KLF7: variants seen among roughly 807,000 people sequenced by gnomAD.
KLF7 encodes Krueppel-like factor 7.
In KLF7, 2 loss-of-function variants were observed where a neutral mutation model predicts 27.3. The ratio of observed to expected loss-of-function variants is 0.07; its 90% CI spans 0.03 to 0.23. KLF7 has a LOEUF of 0.23. Ranked by LOEUF, KLF7 falls within the 10% of genes least tolerant of loss-of-function variation. The probability of loss-of-function intolerance (pLI) is 1.00; values close to 1 mark genes in which losing one functional copy is unlikely to be tolerated. For synonymous variants in KLF7, 165 were observed against 162.4 expected, an observed-to-expected ratio of 1.02 and a Z score of -0.12; for missense variants, 221 against 394.1, an observed-to-expected ratio of 0.56 and a Z score of 3.72.
chr2:207,166,146 A>C, upstream of KLF7: 1 of 983,886 alleles, frequency 1.0e-6, no homozygotes. Flanking sequence ...TTCTCCGCGC[A>C]GCCGTGGGAT....
chr2:207,134,614 T>C (rs1032257411), intron 1 of KLF7, among the ~76,000 whole-genome samples: 2 of 152,194 alleles, frequency 1.3e-5, no homozygotes, highest in Admixed American at 1.3e-4. Context: ...TTGAGATACT[T>C]GGACTTGATT....
chr2:207,102,893 G>GT (rs1478323679), intron 2 of KLF7, among the ~76,000 whole-genome samples: 1 of 152,040 alleles, frequency 6.6e-6, no homozygotes, highest in African/African-American at 2.4e-5. Flanking sequence ...CTGATGAGAC[G>GT]TAAGTGGCAG....
chr2:207,150,178 G>T (rs2078203301), intron 1 of KLF7, among the ~76,000 whole-genome samples: 1 of 152,042 alleles, frequency 6.6e-6, no homozygotes, highest in Non-Finnish European at 1.5e-5. Context: ...CAATTGTTAA[G>T]AATGTATTTT....
chr2:207,079,065 G>GTTTTTTTT lies in KLF7; in HGVS notation c.*2140_*2147dup, dbSNP rs60899468. On this transcript the variant is annotated 3_prime_UTR_variant, in exon 4 of 4. Coordinates refer to ENST00000309446, the MANE Select transcript of KLF7 (RefSeq NM_003709.4). The stretch of plus-strand genomic sequence containing the variant: ...TTTTTTTTTCGTTTTGTATTATTTT[G>GTTTTTTTT]TTTTTTTTTTTGTTTTTGTTTTTGT... 1 of 143,316 alleles carries GTTTTTTTT rather than the reference G, an allele frequency of 7.0e-6. No homozygotes were observed. The highest frequency in any genetic ancestry group is 2.6e-5 in the African/African-American group (1 of 38,672). 8.9% of individuals were successfully genotyped at this position (143,316 alleles called of 1,614,324 possible).
In KLF7 at chr2:207,133,831, C is replaced by T. The variant is rs1317148289; in HGVS notation, c.103-9427G>A. On this transcript the variant is annotated intron_variant, in intron 1 of 3. Transcript: ENST00000309446. The stretch of plus-strand genomic sequence containing the variant: ...CAACAAAACAAAAATTTTAAACTCA[C>T]CAATCTCATTCCTCCCCCCAGTGGA... Among the ~76,000 whole-genome samples the T allele has an allele frequency of 3.3e-5, 5 of 152,138 alleles. No individual in the cohort carries two copies. The East Asian group carries it at 9.6e-4, about 29-fold the overall frequency.
chr2:207,123,985 G>A lies in KLF7; in HGVS notation c.522C>T (p.Ser174=). The change falls in exon 2 of 4, where the codon AGC becomes AGT. Residue 174 remains serine, a synonymous_variant. Coordinates refer to ENST00000309446, the MANE Select transcript of KLF7 (RefSeq NM_003709.4). The part of the protein sequence containing the change: ...LKLVAKKAAL[S]SVKVGGVATA... The stretch of plus-strand genomic sequence containing the variant: ...TTGCGACCCCTCCCACCTTTACGGA[G>A]CTGAGAGCAGCCTTCTTGGCCACCA... 1 of 1,614,198 alleles carries A rather than the reference G, an allele frequency of 6.2e-7. No individual in the cohort carries two copies. The highest frequency in any genetic ancestry group is 1.1e-5 in the South Asian group (1 of 91,086).
At chr2:207,087,711 T>G (rs529436406) in intron 3 of KLF7, among the ~76,000 whole-genome samples, 1 of 152,320 alleles carries the variant, frequency 6.6e-6, no homozygotes, top group African/African-American at 2.4e-5. Context: ...ATTATTTGAT[T>G]ATGTCTAAAC....
intron 1 of KLF7, among the ~76,000 whole-genome samples, chr2:207,161,654 G>C (rs1428182735): frequency 6.6e-6 from 1 of 152,170 alleles, no homozygotes; most frequent in Non-Finnish European, 1.5e-5. Context: ...GGCTGTTCTT[G>C]GAATGCAACC....
chr2:207,101,659 T>G (rs1049429348), intron 2 of KLF7, among the ~76,000 whole-genome samples: 1 of 152,256 alleles, frequency 6.6e-6, no homozygotes, highest in East Asian at 1.9e-4. Flanking sequence ...CTGACTCCCT[T>G]GAGGCCAGAC....
intron 1 of KLF7, among the ~76,000 whole-genome samples, chr2:207,161,352 C>CA (rs567028048): frequency 6.0e-4 from 90 of 149,990 alleles, no homozygotes; most frequent in South Asian, 4.9e-3. Context: ...AATCACATAC[C>CA]AAAAAAAAAC....
In KLF7 at chr2:207,123,748, C is replaced by T. The variant is rs528410063; in HGVS notation, c.733+26G>A. On this transcript the variant is annotated intron_variant, in intron 2 of 3. Coordinates refer to ENST00000309446, the MANE Select transcript of KLF7 (RefSeq NM_003709.4). Reference sequence around the variant, plus strand: ...GGCTACAGGAGGGGAAAGAAGAAACCACGTGCGGCCAACTTGTACCACTAC... The same window carrying T: ...GGCTACAGGAGGGGAAAGAAGAAACTACGTGCGGCCAACTTGTACCACTAC... 4 of 1,590,556 alleles carry T rather than the reference C, an allele frequency of 2.5e-6. No individual in the cohort carries two copies. In the Admixed American group the frequency reaches 6.9e-5, roughly 27 times the overall value.
chr2:207,167,215 G>C, upstream of KLF7: 1 of 1,291,504 alleles, frequency 7.7e-7, no homozygotes, highest in Non-Finnish European at 1.0e-6. Flanking sequence ...TTCTGGAGTT[G>C]GGATGTAGAC....
rs1322395577 is a variant in KLF7 at position 207,079,705 on chromosome 2, T to A, written c.*1508A>T. ...GCTTGCAGAGTAAATGTGAGGCCTC[T>A]GTTAATCCTGGGGGTTCTAGGTCAC... is the stretch of plus-strand genomic sequence containing the variant. On this transcript the variant is annotated 3_prime_UTR_variant, in exon 4 of 4. Coordinates refer to ENST00000309446, the MANE Select transcript of KLF7 (RefSeq NM_003709.4). The A allele has an allele frequency of 6.6e-6, 1 of 151,626 alleles. No individual in the cohort carries two copies. Among genetic ancestry groups the A allele is most frequent in the African/African-American group, 2.4e-5 (1 of 41,202 alleles). The allele number at this position is 151,626 out of a possible 1,614,324, so 9.4% of individuals were successfully genotyped here. A position where few individuals can be genotyped will look rare whatever the true frequency, so the allele number is the denominator to read the frequency against.
At chr2:207,127,714 G>A (rs984595354) in intron 1 of KLF7, among the ~76,000 whole-genome samples, 4 of 151,820 alleles carry the variant, frequency 2.6e-5, no homozygotes, top group South Asian at 2.1e-4. Context: ...GTGGTGGTGC[G>A]CACCTGTAAT....
chr2:207,160,599 C>T (rs1428138334), intron 1 of KLF7, among the ~76,000 whole-genome samples: 1 of 151,568 alleles, frequency 6.6e-6, no homozygotes, highest in African/African-American at 2.4e-5. Context: ...TTCTTCTTTC[C>T]TCAACAGGCA....
At chr2:207,111,981 T>C (rs992193039) in intron 2 of KLF7, among the ~76,000 whole-genome samples, 3 of 151,814 alleles carry the variant, frequency 2.0e-5, no homozygotes, top group Admixed American at 1.3e-4. Context: ...CCTGCTTAAG[T>C]CAAATAGGGA....
chr2:207,128,512 C>T (rs1574515156), intron 1 of KLF7, among the ~76,000 whole-genome samples: 1 of 152,086 alleles, frequency 6.6e-6, no homozygotes, highest in Non-Finnish European at 1.5e-5. Context: ...AAGGTATCTG[C>T]CTAGTTTCAA....
intron 1 of KLF7, among the ~76,000 whole-genome samples, chr2:207,135,497 A>C (rs1472030929): frequency 2.0e-5 from 3 of 152,148 alleles, no homozygotes; most frequent in Non-Finnish European, 4.4e-5. Flanking sequence ...TAAAACGTAA[A>C]CTTCACAAGA....
chr2:207,126,753 T>C (rs2077486014), intron 1 of KLF7, among the ~76,000 whole-genome samples: 1 of 150,722 alleles, frequency 6.6e-6, no homozygotes, highest in African/African-American at 2.4e-5. Context: ...CAGTGAGCTA[T>C]GGTCGTACCA....
Sources: gnomAD v4.1 joint callset for allele counts (sites outside exome capture counted in the v4.1 genomes callset) on GRCh38, gnomAD v4.1.1 for gene constraint, MANE v1.5 for transcripts, NCBI Gene and HGNC (gene_info 2026-07-23, HGNC 2026-07-21) for gene names.